TRIM71: variants seen among roughly 807,000 people sequenced by gnomAD.
The protein encoded by TRIM71 is tripartite motif containing 71.
TRIM71 carries 9 observed loss-of-function variants against 61.2 expected under a neutral mutation model. That is an observed-to-expected ratio of 0.15 (90% CI 0.09 to 0.26). The LOEUF (loss-of-function observed/expected upper bound fraction) is 0.26. Among genes scored for constraint, TRIM71 ranks in the 10% least tolerant of loss-of-function variants. The probability of loss-of-function intolerance (pLI) is 1.00; values close to 1 mark genes in which losing one functional copy is unlikely to be tolerated. For synonymous variants in TRIM71, 645 were observed against 553.2 expected (o/e 1.17, Z -2.33); for missense variants, 998 against 1,238.7 (o/e 0.81, Z 2.92).
At chr3:32,830,642 A>T (rs1643681768) in intron 1 of TRIM71, among the ~76,000 whole-genome samples, 2 of 152,044 alleles carry the variant, frequency 1.3e-5, no homozygotes, top group African/African-American at 4.8e-5. Context: ...ATATCAGTGG[A>T]TTTAAGGACC....
Position 32,885,994 on chromosome 3 carries a change from C to A in TRIM71, c.1081C>A (p.Gln361Lys). 6.2e-7 allele frequency: 1 copy of A among 1,614,152 alleles called. No homozygotes were observed. Among genetic ancestry groups the A allele is most frequent in the Non-Finnish European group, 8.5e-7 (1 of 1,180,032 alleles). Residue 361 changes from glutamine to lysine, a missense_variant, in exon 3 of 4, where the codon CAG becomes AAG. Around this residue, in one of 5 missense-constraint regions of TRIM71, gnomAD observed 291 missense variants for 431.2 expected, o/e 0.67. Coordinates refer to ENST00000383763, the MANE Select transcript of TRIM71 (RefSeq NM_001039111.3). ...EQVEMKAKVV[Q>K]SEVKAVTARH... ...GGTGGAGATGAAGGCGAAGGTTGTG[C>A]AGTCGGAGGTCAAAGCCGTGACGGC...
intron 1 of TRIM71, among the ~76,000 whole-genome samples, chr3:32,839,813 G>GGT (rs976135569): frequency 6.6e-6 from 1 of 151,720 alleles, no homozygotes; most frequent in Non-Finnish European, 1.5e-5. Context: ...GGGCATTGAA[G>GGT]GTGGGGTGCT....
At chr3:32,835,938 G>A (rs1192724984) in intron 1 of TRIM71, among the ~76,000 whole-genome samples, 3 of 152,114 alleles carry the variant, frequency 2.0e-5, no homozygotes, top group South Asian at 2.1e-4. Context: ...ACATGTGTAG[G>A]TGCTACCCTG....
At chr3:32,826,582 C>CTTTTTTTGTTT (rs1696204978) in intron 1 of TRIM71, among the ~76,000 whole-genome samples, 1 of 83,098 alleles carries the variant, frequency 1.2e-5, no homozygotes, top group African/African-American at 5.2e-5. Context: ...CAGGTGAGTT[C>CTTTTTTTGTTT]TTTTTTTTTT....
rs1275769208 is a variant in TRIM71, at chr3:32,891,415, T to C, written c.2211T>C (p.Tyr737=). The change falls in exon 4 of 4, where the codon TAT becomes TAC. Residue 737 remains tyrosine (Y), a synonymous_variant. Transcript: ENST00000383763. The surrounding 1 kb of genome is among the most constrained non-coding windows in gnomAD (Gnocchi z 8.2). ...FGPDGVFLNK[Y]GFEGALWKHF... ...CTGATGGTGTCTTCCTAAACAAGTA[T>C]GGCTTCGAGGGGGCTCTCTGGAAGC... 2 of 1,614,072 alleles carry C rather than the reference T, an allele frequency of 1.2e-6. No individual in the cohort carries two copies. The highest frequency in any genetic ancestry group is 1.7e-6 in the Non-Finnish European group (2 of 1,180,022).
chr3:32,861,218 C>T (rs1010548701), intron 1 of TRIM71, among the ~76,000 whole-genome samples: 9 of 151,284 alleles, frequency 5.9e-5, no homozygotes, highest in Non-Finnish European at 1.0e-4. Flanking sequence ...GTCTCTGTTG[C>T]CCAGGCCAGA....
intron 1 of TRIM71, among the ~76,000 whole-genome samples, chr3:32,867,094 C>T (rs1696746131): frequency 1.3e-5 from 2 of 152,078 alleles, no homozygotes; most frequent in Non-Finnish European, 2.9e-5. Context: ...GTCCATGGAG[C>T]CCAAACATTT....
chr3:32,889,722 T>G (rs1038869084), intron 3 of TRIM71, among the ~76,000 whole-genome samples: 1 of 152,036 alleles, frequency 6.6e-6, no homozygotes, highest in African/African-American at 2.4e-5. Context: ...CCCAAATAGC[T>G]GGGATTACAG....
chr3:32,856,770 A>G (rs1033210820), intron 1 of TRIM71, among the ~76,000 whole-genome samples: 1 of 152,190 alleles, frequency 6.6e-6, no homozygotes, highest in Non-Finnish European at 1.5e-5. Flanking sequence ...GCTCATTGTC[A>G]GTCCTGCCTT....
chr3:32,854,515 A>G (rs1011245532), intron 1 of TRIM71, among the ~76,000 whole-genome samples: 1 of 152,158 alleles, frequency 6.6e-6, no homozygotes, highest in Admixed American at 6.5e-5. Flanking sequence ...GTAATCCATG[A>G]ATGAGATTTT....
chr3:32,842,622 G>T (rs1696419425), intron 1 of TRIM71, among the ~76,000 whole-genome samples: 1 of 152,218 alleles, frequency 6.6e-6, no homozygotes, highest in Admixed American at 6.5e-5. Flanking sequence ...TTGCCAGCAT[G>T]TGCCTCACAG....
chr3:32,819,192 T>G (rs1267726565), intron 1 of TRIM71, among the ~76,000 whole-genome samples: 4 of 152,188 alleles, frequency 2.6e-5, no homozygotes, highest in Admixed American at 6.5e-5. Flanking sequence ...TTAATTTCTG[T>G]GTGGCAAAAC....
In TRIM71 at chr3:32,891,850, G is replaced by GTCTC; in HGVS notation, c.*40_*41insCTCT. 2 of 1,574,704 alleles carry GTCTC rather than the reference G, an allele frequency of 1.3e-6. No individual in the cohort carries two copies. The highest frequency in any genetic ancestry group is 1.7e-6 in the Non-Finnish European group (2 of 1,161,364). On this transcript the variant is annotated 3_prime_UTR_variant, in exon 4 of 4. Transcript: ENST00000383763. This position sits in a 1 kb window ranked among gnomAD's most constrained non-coding sequence, Gnocchi z 8.2. ...GTTTCTGTGTTTGGGGTGTGTGTGC[G>GTCTC]TGTCTCTCTCTCTCTCTCTCTCTTT...
chr3:32,849,468 C>G (rs1328863867), intron 1 of TRIM71, among the ~76,000 whole-genome samples: 2 of 152,154 alleles, frequency 1.3e-5, no homozygotes, highest in Admixed American at 1.3e-4. Context: ...AAGCAGTTCT[C>G]CTGCCTCAGC....
intron 2 of TRIM71, among the ~76,000 whole-genome samples, chr3:32,876,825 A>G (rs1696856923): frequency 6.6e-6 from 1 of 152,198 alleles, no homozygotes; most frequent in Non-Finnish European, 1.5e-5. Context: ...AGTGGTTAAC[A>G]TGGTGAAATC....
chr3:32,826,429 C>T (rs753124349), intron 1 of TRIM71, among the ~76,000 whole-genome samples: 16 of 152,094 alleles, frequency 1.1e-4, no homozygotes, highest in Non-Finnish European at 2.4e-4. Flanking sequence ...TAGAACAAGA[C>T]TATGTCTCAC....
intron 1 of TRIM71, among the ~76,000 whole-genome samples, chr3:32,858,102 G>A (rs960562031): frequency 1.4e-4 from 21 of 152,188 alleles, no homozygotes; most frequent in Non-Finnish European, 2.5e-4. Context: ...GGAGGGTTTA[G>A]TCTTGCTGTC....
At chr3:32,828,502 C>CTTTTTTTTTTTTTTTTTTTTTTTTTTTT (rs67014189) in intron 1 of TRIM71, among the ~76,000 whole-genome samples, 1 of 93,248 alleles carries the variant, frequency 1.1e-5, no homozygotes. Flanking sequence ...CAATTGTAAA[C>CTTTTTTTTTTTTTTTTTTTTTTTTTTTT]TTTTTTTTTT....
intron 1 of TRIM71, among the ~76,000 whole-genome samples, chr3:32,825,659 G>A (rs189431808): frequency 1.3e-3 from 191 of 152,258 alleles, no homozygotes; most frequent in Admixed American, 2.2e-3. Flanking sequence ...GGCTCACTAA[G>A]GCTGTTTTTG....
Sources: allele counts gnomAD v4.1 joint callset (sites outside exome capture counted in the v4.1 genomes callset), GRCh38; gene constraint gnomAD v4.1.1; regional missense constraint gnomAD v4.1.1; non-coding constraint Gnocchi (gnomAD v3.1); transcripts MANE v1.5; gene names NCBI Gene and HGNC (gene_info 2026-07-23, HGNC 2026-07-21).